DIP2C: variants seen among roughly 807,000 people sequenced by gnomAD.
DIP2C encodes DIP2 acetate--CoA ligase C (putative), also known as disco-interacting protein 2 homolog C.
DIP2C carries 33 observed loss-of-function variants against 192.4 expected under a neutral mutation model. That is an observed-to-expected ratio of 0.17 (90% CI 0.13 to 0.23). DIP2C has a LOEUF of 0.23. DIP2C is among the 10% of genes least tolerant of loss of function. The probability of loss-of-function intolerance (pLI) is 1.00; values close to 1 mark genes in which losing one functional copy is unlikely to be tolerated. For synonymous variants in DIP2C, 979 were observed against 864.1 expected (o/e 1.13, Z -2.33); for missense variants, 1,537 against 2,110.1 (o/e 0.73, Z 5.32).
rs751952127 is a variant in DIP2C at position 277,313 on chromosome 10, CAA to C, written c.*10_*11del. On this transcript the variant is annotated 3_prime_UTR_variant, in exon 37 of 37. Transcript: ENST00000280886. ...CATCTCTAGAAAAGTCCATGGAAGC[CAA>C]GAGACGAGACTACATGTTGTAGGCC... is the stretch of plus-strand genomic sequence containing the variant. 1 of 1,612,898 alleles carries C rather than the reference CAA, an allele frequency of 6.2e-7. No homozygotes were observed. Among genetic ancestry groups the C allele is most frequent in the South Asian group, 1.1e-5 (1 of 91,044 alleles).
chr10:440,338 C>G (rs1967628500), intron 4 of DIP2C, among the ~76,000 whole-genome samples: 3 of 152,228 alleles, frequency 2.0e-5, no homozygotes, highest in Admixed American at 6.5e-5. Context: ...GCTGCTTTCA[C>G]ACTCCAAGGG....
chr10:394,205 G>A (rs199908184), intron 10 of DIP2C, among the ~76,000 whole-genome samples: 2 of 152,344 alleles, frequency 1.3e-5, no homozygotes, highest in South Asian at 2.1e-4. Flanking sequence ...AGGCAGAGCC[G>A]GCACACTGGG....
chr10:383,582 G>C (rs961070935), intron 16 of DIP2C, among the ~76,000 whole-genome samples: 42 of 152,286 alleles, frequency 2.8e-4, no homozygotes, highest in African/African-American at 9.9e-4. Context: ...TTAATTTACT[G>C]ATCAAGAAAA....
At chr10:320,782 CTG>C (rs1956970073) in intron 31 of DIP2C, among the ~76,000 whole-genome samples, 1 of 152,140 alleles carries the variant, frequency 6.6e-6, no homozygotes, top group South Asian at 2.1e-4. Context: ...AAAGAAAAAA[CTG>C]TGTTCTGTAA....
At chr10:618,436 AC>A (rs1853615450) in intron 1 of DIP2C, among the ~76,000 whole-genome samples, 1 of 152,172 alleles carries the variant, frequency 6.6e-6, no homozygotes, top group East Asian at 1.9e-4. Flanking sequence ...GAGCAAGCTG[AC>A]CTGCCCACAT....
intron 1 of DIP2C, among the ~76,000 whole-genome samples, chr10:507,566 G>A (rs1845701302): frequency 6.6e-6 from 1 of 152,200 alleles, no homozygotes. Flanking sequence ...GGGACTGTGT[G>A]CGCGGTGACG....
In DIP2C at chr10:473,472, T is replaced by TG. The variant is rs1361356591; in HGVS notation, c.158-924dup. 5.9e-5 allele frequency among the ~76,000 whole-genome samples: 9 copies of TG among 152,198 alleles called. No homozygotes were observed. In the East Asian group the frequency reaches 1.4e-3, roughly 23 times the overall value. ...ATCCTATGTCATCCCCACAGTTCTGTGAACGGCTCTGATATCACAGAAAGG... is the reference window on the plus strand; with the variant it reads ...ATCCTATGTCATCCCCACAGTTCTGTGGAACGGCTCTGATATCACAGAAAGG... On this transcript the variant is annotated intron_variant, in intron 2 of 36. Coordinates refer to ENST00000280886, the MANE Select transcript of DIP2C (RefSeq NM_014974.3).
intron 26 of DIP2C, among the ~76,000 whole-genome samples, chr10:347,497 T>C (rs1162566867): frequency 4.0e-5 from 3 of 75,470 alleles, no homozygotes; most frequent in Non-Finnish European, 7.4e-5. Context: ...CCCGGACACA[T>C]TGCGCATAGT....
At chr10:311,522 A>G (rs1667939507) in intron 31 of DIP2C, 2 of 1,232,510 alleles carry the variant, frequency 1.6e-6, no homozygotes, top group Non-Finnish European at 2.0e-6. Context: ...TGTGATGGAC[A>G]GGAAAGTCCC....
chr10:656,896 A>C (rs973592607), intron 1 of DIP2C, among the ~76,000 whole-genome samples: 1 of 152,244 alleles, frequency 6.6e-6, no homozygotes, highest in African/African-American at 2.4e-5. Context: ...AAGAGCATGG[A>C]ACTTTGCTTT....
At chr10:576,284 C>CA (rs1850151136) in intron 1 of DIP2C, among the ~76,000 whole-genome samples, 1 of 152,204 alleles carries the variant, frequency 6.6e-6, no homozygotes, top group Non-Finnish European at 1.5e-5. Flanking sequence ...CACTGCGAGG[C>CA]AAACGCCACA....
At chr10:609,357 G>C (rs1175235789) in intron 1 of DIP2C, among the ~76,000 whole-genome samples, 2 of 152,148 alleles carry the variant, frequency 1.3e-5, no homozygotes, top group Admixed American at 6.5e-5. Flanking sequence ...ATAGTATTTT[G>C]TAAAATAAAA....
intron 1 of DIP2C, among the ~76,000 whole-genome samples, chr10:588,479 A>T (rs1049851589): frequency 2.0e-5 from 3 of 152,218 alleles, no homozygotes; most frequent in African/African-American, 7.2e-5. Flanking sequence ...TGCTGGAATG[A>T]GAGGTCAGGG....
At chr10:508,836 G>A (rs1845812956) in intron 1 of DIP2C, among the ~76,000 whole-genome samples, 2 of 152,280 alleles carry the variant, frequency 1.3e-5, no homozygotes, top group South Asian at 4.2e-4. Context: ...ACTGATCAGG[G>A]CTGCATGACC....
rs911312903 is a variant in DIP2C at position 651,246 on chromosome 10, G to A, written c.85+38248C>T. 3.5e-5 allele frequency: 25 copies of A among 715,902 alleles called. No homozygotes were observed. In the Middle Eastern group the frequency reaches 6.8e-4, roughly 20 times the overall value. The allele number at this position is 715,902 out of a possible 1,614,324, so 44.3% of individuals were successfully genotyped here. ...ATCACACCAATGATGGCGTCACAGCGTGGGTTCCGGTCACCAGTCGGCCTC... is the reference window on the plus strand; with the variant it reads ...ATCACACCAATGATGGCGTCACAGCATGGGTTCCGGTCACCAGTCGGCCTC... On this transcript the variant is annotated intron_variant, in intron 1 of 36. Coordinates refer to ENST00000280886, the MANE Select transcript of DIP2C (RefSeq NM_014974.3). The surrounding 1 kb of genome is among the most constrained non-coding windows in gnomAD (Gnocchi z 4.1).
intron 4 of DIP2C, among the ~76,000 whole-genome samples, chr10:439,504 G>C (rs1318585337): frequency 6.6e-6 from 1 of 152,158 alleles, no homozygotes; most frequent in Non-Finnish European, 1.5e-5. Flanking sequence ...GTGGTCCCAG[G>C]TGCTTGAGAG....
In DIP2C at chr10:687,893, C is replaced by T. The variant is rs559276129; in HGVS notation, c.85+1601G>A. ...CGCCCTGCTGAGCTCAGGGGCGCTA[C>T]GCTCTGCTGACCTGGATGGGGCACT... On this transcript the variant is annotated intron_variant, in intron 1 of 36. Transcript: ENST00000280886. Among the ~76,000 whole-genome samples, 323 of 152,328 alleles carry T rather than the reference C, an allele frequency of 2.1e-3. 1 individual carries two copies. The highest frequency in any genetic ancestry group is 6.8e-3 in the Middle Eastern group (2 of 294).
chr10:414,777 G>GTATA (rs745908211), intron 7 of DIP2C, among the ~76,000 whole-genome samples: 1 of 120,392 alleles, frequency 8.3e-6, no homozygotes, highest in Non-Finnish European at 1.7e-5. Context: ...TATATAATGT[G>GTATA]TATATATATA....
intron 31 of DIP2C, among the ~76,000 whole-genome samples, chr10:312,778 G>A (rs576090066): frequency 1.2e-4 from 18 of 152,302 alleles, no homozygotes; most frequent in Admixed American, 1.2e-3. Context: ...CAAACACATA[G>A]TGGACCTTTA....
Sources: allele counts gnomAD v4.1 joint callset (sites outside exome capture counted in the v4.1 genomes callset), GRCh38; gene constraint gnomAD v4.1.1; non-coding constraint Gnocchi (gnomAD v3.1); transcripts MANE v1.5; gene names NCBI Gene and HGNC (gene_info 2026-07-23, HGNC 2026-07-21).